The following EXOC4 variants were observed in gnomAD, a reference collection of about 807,000 sequenced individuals.
The protein encoded by EXOC4 is exocyst complex component 4, also known as SEC8-like 1.
A neutral mutation model predicts 107.2 loss-of-function variants in EXOC4; 71 were observed. The observed-to-expected ratio is 0.66, with a 90% CI of 0.55 to 0.81. The LOEUF (loss-of-function observed/expected upper bound fraction) is 0.81, where lower values mean the gene tolerates loss of function less well. Ranked by LOEUF, EXOC4 falls within the 30% of genes least tolerant of loss-of-function variation. The pLI is 0.00. For missense variants in EXOC4, 1,108 were observed against 1,189.6 expected, an observed-to-expected ratio of 0.93 and a Z score of 1.01; for synonymous variants, 456 against 441.2, an observed-to-expected ratio of 1.03 and a Z score of -0.42.
intron 10 of EXOC4, among the ~76,000 whole-genome samples, chr7:133,700,305 T>C (rs1794628223): frequency 1.3e-5 from 2 of 152,188 alleles, no homozygotes; most frequent in Non-Finnish European, 2.9e-5. Context: ...TATTTTCTCT[T>C]GAGGGACTAT....
chr7:133,912,720 A>G lies in EXOC4; in HGVS notation c.1872-4863A>G, dbSNP rs554059997. Among the ~76,000 whole-genome samples, 14 of 152,332 alleles carry G rather than the reference A, an allele frequency of 9.2e-5. 1 individual carries two copies. In the East Asian group the frequency reaches 2.5e-3, roughly 27 times the overall value. On this transcript the variant is annotated intron_variant, in intron 12 of 17. Coordinates refer to ENST00000253861, the MANE Select transcript of EXOC4 (RefSeq NM_021807.4). ...CTAAGAAGAAATCGACTCTGTCCTC[A>G]TAGAACTCATCATCCAATATGGGAT...
chr7:134,080,779 T>A, the EXOC4 span, among the ~76,000 whole-genome samples: 56 of 151,254 alleles, frequency 3.7e-4, no homozygotes, highest in Admixed American at 1.4e-3. Context: ...ATCTTAAAAA[T>A]ATATATATAT....
intron 9 of EXOC4, among the ~76,000 whole-genome samples, chr7:133,548,126 A>G (rs1584991120): frequency 6.6e-6 from 1 of 152,074 alleles, no homozygotes; most frequent in African/African-American, 2.4e-5. Context: ...TCTCGTTTTT[A>G]TGTCAACAGT....
intron 17 of EXOC4, among the ~76,000 whole-genome samples, chr7:134,050,749 A>C (rs1795765330): frequency 6.6e-6 from 1 of 152,216 alleles, no homozygotes; most frequent in African/African-American, 2.4e-5. Flanking sequence ...ATACAGGTCA[A>C]GTCTTTAAAA....
intron 10 of EXOC4, among the ~76,000 whole-genome samples, chr7:133,641,246 G>A (rs868177822): frequency 6.6e-6 from 1 of 152,120 alleles, no homozygotes; most frequent in South Asian, 2.1e-4. Flanking sequence ...CTAACAGGCA[G>A]TCACTAAAAA....
chr7:133,470,509 A>G (rs1187772801), intron 7 of EXOC4, among the ~76,000 whole-genome samples: 2 of 152,314 alleles, frequency 1.3e-5, no homozygotes, highest in East Asian at 3.9e-4. Flanking sequence ...ATTCAACGTA[A>G]TAGGTCCTCA....
chr7:133,660,480 G>T (rs1474913813), intron 10 of EXOC4, among the ~76,000 whole-genome samples: 2 of 152,168 alleles, frequency 1.3e-5, no homozygotes, highest in Admixed American at 6.5e-5. Flanking sequence ...CGGCCACATT[G>T]TGTGGAAGAC....
rs1562997682 is a variant in EXOC4 at position 133,787,968 on chromosome 7, TATATA to T, written c.1515-29356_1515-29352del. On this transcript the variant is annotated intron_variant, in intron 10 of 17. Coordinates refer to ENST00000253861, the MANE Select transcript of EXOC4 (RefSeq NM_021807.4). ...CTGTGCATATATTTATATATTTATA[TATATA>T]TATATATATATATATATATATATAT... is the stretch of plus-strand genomic sequence containing the variant. Among the ~76,000 whole-genome samples the T allele has an allele frequency of 1.2e-3, 25 of 21,330 alleles. 1 individual carries two copies. Among genetic ancestry groups the T allele is most frequent in the Non-Finnish European group, 1.4e-3 (15 of 10,414 alleles). The allele number at this position is 21,330 out of a possible 152,430, so 14.0% of individuals were successfully genotyped here. A position where few individuals can be genotyped will look rare whatever the true frequency, so the allele number is the denominator to read the frequency against.
intron 11 of EXOC4, among the ~76,000 whole-genome samples, chr7:133,862,102 A>G (rs2116345022): frequency 6.6e-6 from 1 of 151,734 alleles, no homozygotes; most frequent in Admixed American, 6.6e-5. Context: ...ATTCCCATAA[A>G]GCCGTAAGAT....
At chr7:133,310,333 A>G (rs73436986) in intron 4 of EXOC4, among the ~76,000 whole-genome samples, 9,712 of 152,194 alleles carry the variant, frequency 0.064, 774 homozygotes, top group African/African-American at 0.18. Flanking sequence ...AATGCCCTCA[A>G]TAGGCACTTG....
At chr7:133,920,459 A>G (rs1799913422) in intron 13 of EXOC4, among the ~76,000 whole-genome samples, 1 of 152,140 alleles carries the variant, frequency 6.6e-6, no homozygotes, top group South Asian at 2.1e-4. Flanking sequence ...CTTTTACCAT[A>G]TTAGTTATAC....
intron 10 of EXOC4, among the ~76,000 whole-genome samples, chr7:133,632,821 T>A (rs1228835844): frequency 6.8e-6 from 1 of 146,002 alleles, no homozygotes; most frequent in Non-Finnish European, 1.5e-5. Context: ...TGTGTAGATA[T>A]GTTTTCTATT....
intron 10 of EXOC4, among the ~76,000 whole-genome samples, chr7:133,726,521 A>G (rs535679206): frequency 2.6e-5 from 4 of 152,298 alleles, no homozygotes; most frequent in Admixed American, 1.3e-4. Flanking sequence ...AGGAATTTGT[A>G]TTTTAATATA....
chr7:133,647,257 A>G (rs1024683052), intron 10 of EXOC4, among the ~76,000 whole-genome samples: 2 of 152,204 alleles, frequency 1.3e-5, no homozygotes, highest in Non-Finnish European at 2.9e-5. Flanking sequence ...TTAGGATAAT[A>G]TGACATGGAA....
chr7:134,033,897 C>G (rs1305940343), intron 17 of EXOC4, among the ~76,000 whole-genome samples: 2 of 152,168 alleles, frequency 1.3e-5, no homozygotes, highest in Non-Finnish European at 2.9e-5. Context: ...TGATTTCAAC[C>G]TAGAATTAGA....
rs1043492728 is a variant in EXOC4 at position 133,575,101 on chromosome 7, C to T, written c.1418-54944C>T. Reference sequence around the variant, plus strand: ...AGTTTTAAATTGATTTTTTTTTCCCCAAAAGAAGTCAGAATGTATTCATTT... The same window carrying T: ...AGTTTTAAATTGATTTTTTTTTCCCTAAAAGAAGTCAGAATGTATTCATTT... On this transcript the variant is annotated intron_variant, in intron 9 of 17. Transcript: ENST00000253861. Among the ~76,000 whole-genome samples the T allele has an allele frequency of 7.9e-5, 12 of 152,000 alleles. 1 individual carries two copies. The highest frequency in any genetic ancestry group is 7.2e-4 in the Admixed American group (11 of 15,268).
intron 9 of EXOC4, among the ~76,000 whole-genome samples, chr7:133,615,444 A>G (rs1241288784): frequency 2.0e-5 from 3 of 152,164 alleles, no homozygotes; most frequent in Admixed American, 2.0e-4. Flanking sequence ...TTTTCTGTTT[A>G]TGTTATCAGT....
At chr7:133,901,674 G>T (rs932143960) in intron 12 of EXOC4, among the ~76,000 whole-genome samples, 3 of 152,118 alleles carry the variant, frequency 2.0e-5, no homozygotes, top group Non-Finnish European at 1.5e-5. Context: ...CTGCTATTTT[G>T]ATAATGATAA....
At chr7:134,047,289 G>A (rs1224784737) in intron 17 of EXOC4, among the ~76,000 whole-genome samples, 1 of 151,932 alleles carries the variant, frequency 6.6e-6, no homozygotes, top group Non-Finnish European at 1.5e-5. Context: ...AAAAATGAAT[G>A]CAAATGCTCT....
Sources: gnomAD v4.1 joint callset for allele counts (sites outside exome capture counted in the v4.1 genomes callset) on GRCh38, gnomAD v4.1.1 for gene constraint, MANE v1.5 for transcripts, NCBI Gene and HGNC (gene_info 2026-07-23, HGNC 2026-07-21) for gene names.